TRPM6: variants seen among roughly 807,000 people sequenced by gnomAD.
TRPM6 encodes the protein transient receptor potential cation channel subfamily M member 6.
Under a neutral mutation model 247.6 loss-of-function variants are expected in TRPM6, and 111 were observed. That is an observed-to-expected ratio of 0.45 (90% CI 0.38 to 0.52). The LOEUF (loss-of-function observed/expected upper bound fraction) is 0.52, where lower values mean the gene tolerates loss of function less well. TRPM6 is among the 20% of genes least tolerant of loss of function. The pLI is 0.00. For missense variants in TRPM6, 2,126 were observed against 2,421.5 expected, an observed-to-expected ratio of 0.88 and a Z score of 2.56; for synonymous variants, 892 against 853.8, an observed-to-expected ratio of 1.04 and a Z score of -0.78.
chr9:74,861,608 A>G (rs748290357), intron 1 of TRPM6, among the ~76,000 whole-genome samples: 14 of 152,198 alleles, frequency 9.2e-5, no homozygotes, highest in Admixed American at 1.3e-4. Context: ...CTGTTTGTCT[A>G]TCAAAATGGG....
intron 8 of TRPM6, 50 bp from the exon 9 acceptor site, chr9:74,820,477 C>T (rs772653581): frequency 9.3e-6 from 15 of 1,611,552 alleles, no homozygotes; most frequent in Admixed American, 1.7e-5. Flanking sequence ...GGGAATGAGC[C>T]GGCAACATCA....
In TRPM6 at chr9:74,755,375, T is replaced by C. The variant is rs146879124; in HGVS notation, c.4884A>G (p.Thr1628=). ...SEEEYSKNWF[T]VSKFSHTGVE... ...TACCTGTGTGACTAAATTTGGACACTGTGAACCAGTTCTTGCTGTACTCCT... is the reference window on the plus strand; with the variant it reads ...TACCTGTGTGACTAAATTTGGACACCGTGAACCAGTTCTTGCTGTACTCCT... The change falls in exon 28 of 39, where the codon ACA becomes ACG. Residue 1628 remains threonine (T), a synonymous_variant. Transcript: ENST00000360774. 2.7e-5 allele frequency: 44 copies of C among 1,614,038 alleles called. No homozygotes were observed. The Middle Eastern group carries it at 1.2e-3, about 42-fold the overall frequency.
chr9:74,828,924 A>G (rs1013827302), intron 6 of TRPM6, among the ~76,000 whole-genome samples: 8 of 152,146 alleles, frequency 5.3e-5, no homozygotes, highest in African/African-American at 1.9e-4. Flanking sequence ...ACCATTATTC[A>G]AAAATAGTGT....
In TRPM6 at chr9:74,761,800, C is replaced by G. The variant is rs1826646528; in HGVS notation, c.4681G>C (p.Gly1561Arg). 6.2e-7 allele frequency: 1 copy of G among 1,611,156 alleles called. No individual in the cohort carries two copies. Among genetic ancestry groups the G allele is most frequent in the African/African-American group, 1.3e-5 (1 of 74,806 alleles). ...GCTCCCTGCCCTATTTCTGAAGAGC[C>G]TGAAAGATCTGCAAGGAAATGGTCT... ...MKICKIKNLS[G>R]SSEIGQGAWV... Residue 1561 changes from glycine (G) to arginine (R), a missense_variant, in exon 27 of 39, where the codon GGC (glycine) becomes CGC (arginine). By Grantham distance (125) the Gly-to-Arg change is moderately radical. Transcript: ENST00000360774.
chr9:74,731,638 T>C (rs1825524558), intron 37 of TRPM6, among the ~76,000 whole-genome samples: 1 of 150,698 alleles, frequency 6.6e-6, no homozygotes, highest in Non-Finnish European at 1.5e-5. Context: ...TTATGAGTTC[T>C]TGGGGAGGGA....
At chr9:74,753,902 T>C (rs1313580523) in intron 28 of TRPM6, among the ~76,000 whole-genome samples, 2 of 152,146 alleles carry the variant, frequency 1.3e-5, no homozygotes, top group Admixed American at 6.5e-5. Context: ...CCTATTTCCC[T>C]AGCTTTACCT....
chr9:74,815,479 C>G (rs1038818376), intron 11 of TRPM6, among the ~76,000 whole-genome samples: 1 of 152,132 alleles, frequency 6.6e-6, no homozygotes, highest in Non-Finnish European at 1.5e-5. Flanking sequence ...TGTATACCAT[C>G]AAAATGAATG....
intron 6 of TRPM6, among the ~76,000 whole-genome samples, chr9:74,830,478 C>T (rs1301857007): frequency 6.6e-6 from 1 of 152,074 alleles, no homozygotes; most frequent in African/African-American, 2.4e-5. Flanking sequence ...TCACTGCAAC[C>T]TCTGCCTCCC....
chr9:74,872,427 A>G (rs1029494123), intron 1 of TRPM6, among the ~76,000 whole-genome samples: 11 of 152,066 alleles, frequency 7.2e-5, no homozygotes, highest in Admixed American at 5.2e-4. Context: ...ATGAGCTGCC[A>G]TGCCTGTGAG....
intron 32 of TRPM6, among the ~76,000 whole-genome samples, chr9:74,743,258 C>T (rs1030781118): frequency 6.6e-6 from 1 of 152,210 alleles, no homozygotes; most frequent in African/African-American, 2.4e-5. Context: ...CACTGCAACT[C>T]TATTCACTAC....
At chr9:74,859,761 G>A (rs1226906942) in intron 1 of TRPM6, among the ~76,000 whole-genome samples, 3 of 148,526 alleles carry the variant, frequency 2.0e-5, no homozygotes, top group African/African-American at 7.5e-5. Flanking sequence ...GTGGCAGAGC[G>A]AGACTCTGTC....
At chr9:74,795,610 A>C (rs1828067655) in intron 18 of TRPM6, among the ~76,000 whole-genome samples, 1 of 152,086 alleles carries the variant, frequency 6.6e-6, no homozygotes. Flanking sequence ...CACCAACCCA[A>C]TCATAAAACT....
chr9:74,738,349 A>G (rs1825758472), intron 36 of TRPM6, 58 bp downstream of exon 36: 2 of 1,590,156 alleles, frequency 1.3e-6, no homozygotes, highest in Non-Finnish European at 1.7e-6. Context: ...TGGTTCTTGC[A>G]AGATCTCTTT....
chr9:74,830,749 G>GTTTTT (rs71368685), intron 6 of TRPM6, among the ~76,000 whole-genome samples: 15 of 87,262 alleles, frequency 1.7e-4, no homozygotes, highest in East Asian at 3.3e-4. Context: ...GCTAATTTTT[G>GTTTTT]TTTTTTTTTT....
At chr9:74,887,652 T>G (rs752206221) in intron 1 of TRPM6, 172 bp downstream of exon 1, 4 of 1,587,116 alleles carry the variant, frequency 2.5e-6, no homozygotes, top group Admixed American at 1.7e-5. Flanking sequence ...TAATCATCTT[T>G]GGGTGGAGAC....
chr9:74,750,896 G>A (rs576365741), intron 29 of TRPM6, among the ~76,000 whole-genome samples, 174 bp from the exon 30 acceptor site: 1 of 152,124 alleles, frequency 6.6e-6, no homozygotes, highest in African/African-American at 2.4e-5. Flanking sequence ...CATAATGTTA[G>A]AGCAATGTCA....
At chr9:74,748,847 T>TA (rs1389351326) in intron 30 of TRPM6, among the ~76,000 whole-genome samples, 1 of 152,178 alleles carries the variant, frequency 6.6e-6, no homozygotes, top group Non-Finnish European at 1.5e-5. Context: ...AGTGTACACA[T>TA]AAAGTCTCCG....
In TRPM6 at chr9:74,842,251, G is replaced by T; in HGVS notation, c.245C>A (p.Ser82Tyr). The T allele has an allele frequency of 1.2e-6, 2 of 1,614,102 alleles. No homozygotes were observed. The highest frequency in any genetic ancestry group is 1.7e-6 in the Non-Finnish European group (2 of 1,180,024). The change falls in exon 4 of 39, where the codon TCT becomes TAT. Residue 82 changes from serine (S) to tyrosine (Y), a missense_variant. Transcript: ENST00000360774. ...GCTTTTCGTTGTGTGCTTTTCAACA[G>T]ACCATTGTTCACTTTCTTTACCCTT... ...AAKGKESEQW[S>Y]VEKHTTKSPT...
At chr9:74,793,359 T>G (rs1469212667) in intron 18 of TRPM6, among the ~76,000 whole-genome samples, 1 of 152,148 alleles carries the variant, frequency 6.6e-6, no homozygotes, top group African/African-American at 2.4e-5. Flanking sequence ...CAATATCCTT[T>G]TTTTTGAGAT....
Sources: gnomAD v4.1 joint callset for allele counts (sites outside exome capture counted in the v4.1 genomes callset) on GRCh38, gnomAD v4.1.1 for gene constraint, MANE v1.5 for transcripts, NCBI Gene and HGNC (gene_info 2026-07-23, HGNC 2026-07-21) for gene names.